Variants in YY1 observed in about 807,000 individuals in gnomAD.
YY1 encodes the protein transcriptional repressor protein YY1.
A neutral mutation model predicts 35.6 loss-of-function variants in YY1; 2 were observed. That is an observed-to-expected ratio of 0.06 (90% CI 0.02 to 0.18). The LOEUF (loss-of-function observed/expected upper bound fraction) is 0.18, where lower values mean the gene tolerates loss of function less well. YY1 is among the 10% of genes least tolerant of loss of function. The pLI is 1.00. For missense variants in YY1, 322 were observed against 573.4 expected, an observed-to-expected ratio of 0.56 and a Z score of 4.48; for synonymous variants, 268 against 238.9, an observed-to-expected ratio of 1.12 and a Z score of -1.12.
intron 1 of YY1, among the ~76,000 whole-genome samples, chr14:100,245,475 C>A (rs755178269): frequency 7.9e-5 from 12 of 152,022 alleles, no homozygotes; most frequent in Non-Finnish European, 1.2e-4. Context: ...TGCTTTAATG[C>A]CAGTGTTTAC....
chr14:100,242,951 A>G (rs1890773371), intron 1 of YY1, among the ~76,000 whole-genome samples: 1 of 152,132 alleles, frequency 6.6e-6, no homozygotes, highest in Non-Finnish European at 1.5e-5. Flanking sequence ...TTGTCTAGCT[A>G]GTGTGGTAGA....
At chr14:100,265,875 C>G (rs1371315688) in intron 2 of YY1, among the ~76,000 whole-genome samples, 2 of 152,044 alleles carry the variant, frequency 1.3e-5, no homozygotes, top group African/African-American at 4.8e-5. Context: ...TCTTGAACTC[C>G]TAACCTCATG....
chr14:100,249,302 G>T (rs1379163072), intron 1 of YY1, among the ~76,000 whole-genome samples: 1 of 151,510 alleles, frequency 6.6e-6, no homozygotes, highest in Non-Finnish European at 1.5e-5. Flanking sequence ...TGTACTTTTA[G>T]TAGAGATGGG....
rs1011199727 is a variant in YY1, at chr14:100,277,882, A to G, written c.*282A>G. On this transcript the variant is annotated 3_prime_UTR_variant, in exon 5 of 5. Transcript: ENST00000262238. The surrounding 1 kb of genome is among the most constrained non-coding windows in gnomAD (Gnocchi z 5.6). The stretch of plus-strand genomic sequence containing the variant: ...CAGGAGGACAATTCATGAACTTCGC[A>G]TCAAAAGACAATTCTTTATACAACA... The G allele has an allele frequency of 5.7e-5, 23 of 405,912 alleles. No homozygotes were observed. The highest frequency in any genetic ancestry group is 4.4e-4 in the African/African-American group (22 of 49,546). The allele number at this position is 405,912 out of a possible 1,614,324, so 25.1% of individuals were successfully genotyped here.
chr14:100,239,337 C>T lies in YY1; in HGVS notation c.93C>T (p.Ile31=). Residue 31 remains isoleucine, a synonymous_variant, in exon 1 of 5, where the codon ATC becomes ATT. Transcript: ENST00000262238. ...TGCACGAGATCGAGGTGGAGACCAT[C>T]CCGGTGGAGACCATCGAGACCACAG... The part of the protein sequence containing the change: ...VELHEIEVET[I]PVETIETTVV... 6.2e-7 allele frequency: 1 copy of T among 1,605,274 alleles called. No individual in the cohort carries two copies. Among genetic ancestry groups the T allele is most frequent in the Non-Finnish European group, 8.5e-7 (1 of 1,176,634 alleles).
rs951416751 is a variant in YY1, at chr14:100,281,887, G to C, written c.*4287G>C. 1.3e-5 allele frequency: 2 copies of C among 152,264 alleles called. No homozygotes were observed. The highest frequency in any genetic ancestry group is 2.4e-5 in the African/African-American group (1 of 41,462). 9.4% of individuals were successfully genotyped at this position (152,264 alleles called of 1,614,324 possible). ...AAGAGGGCAGATTTGTGGCCAAGAG[G>C]CTTCCTGGCATCCACCCCCAGGCCC... is the stretch of plus-strand genomic sequence containing the variant. On this transcript the variant is annotated 3_prime_UTR_variant, in exon 5 of 5. Coordinates refer to ENST00000262238, the MANE Select transcript of YY1 (RefSeq NM_003403.5).
rs1555369347 is a variant in YY1, at chr14:100,248,121, C to CTTTTTTCT, written c.679+8204_679+8205insCTTTTTTT. ...CACCACGCCCGGCTAATTTTTTTTT[C>CTTTTTTCT]TTTTTTTTTTTTTTGAGACAGTCTC... On this transcript the variant is annotated intron_variant, in intron 1 of 4. Coordinates refer to ENST00000262238, the MANE Select transcript of YY1 (RefSeq NM_003403.5). 9.3e-4 allele frequency among the ~76,000 whole-genome samples: 109 copies of CTTTTTTCT among 117,630 alleles called. 5 individuals carry two copies. Among genetic ancestry groups the CTTTTTTCT allele is most frequent in the South Asian group, 3.1e-3 (11 of 3,520 alleles). 77.2% of individuals were successfully genotyped at this position (117,630 alleles called of 152,430 possible).
At chr14:100,255,661 G>T (rs1890995205) in intron 1 of YY1, among the ~76,000 whole-genome samples, 1 of 152,126 alleles carries the variant, frequency 6.6e-6, no homozygotes, top group African/African-American at 2.4e-5. Context: ...ATGTGGTAAT[G>T]ATCAAGAGTA....
rs374890492 is a variant in YY1 at position 100,249,776 on chromosome 14, G to T, written c.679+9853G>T. ...TTTTTTTTTGTTTGTTTTTGTTTTT[G>T]TTTTTGTTTTTTTTTGAGACAGAGT... On this transcript the variant is annotated intron_variant, in intron 1 of 4. Transcript: ENST00000262238. 2.4e-3 allele frequency among the ~76,000 whole-genome samples: 326 copies of T among 135,554 alleles called. 2 individuals carry two copies. The highest frequency in any genetic ancestry group is 7.4e-3 in the African/African-American group (263 of 35,664). The allele number at this position is 135,554 out of a possible 152,430, so 88.9% of individuals were successfully genotyped here.
intron 1 of YY1, among the ~76,000 whole-genome samples, chr14:100,253,492 A>G (rs1222765942): frequency 6.6e-6 from 1 of 152,168 alleles, no homozygotes; most frequent in Admixed American, 6.6e-5. Context: ...ATCTCGGCTC[A>G]CTGCAACCTC....
intron 2 of YY1, among the ~76,000 whole-genome samples, chr14:100,263,585 T>A (rs1306679346): frequency 6.6e-6 from 1 of 152,246 alleles, no homozygotes; most frequent in Non-Finnish European, 1.5e-5. Context: ...TAATAAACTC[T>A]GGAGCAGAAA....
chr14:100,248,517 GT>G (rs1484125104), intron 1 of YY1, among the ~76,000 whole-genome samples: 1 of 151,850 alleles, frequency 6.6e-6, no homozygotes, highest in Admixed American at 6.6e-5. Flanking sequence ...TTTGAGACGG[GT>G]TTTTGCTATG....
intron 1 of YY1, among the ~76,000 whole-genome samples, chr14:100,258,165 G>A (rs1255175996): frequency 6.6e-6 from 1 of 151,946 alleles, no homozygotes; most frequent in East Asian, 1.9e-4. Flanking sequence ...TAAAACATGA[G>A]GACAAATAGC....
At chr14:100,259,115 A>AG (rs1891044570) in intron 1 of YY1, among the ~76,000 whole-genome samples, 1 of 152,254 alleles carries the variant, frequency 6.6e-6, no homozygotes, top group Non-Finnish European at 1.5e-5. Flanking sequence ...TTGGTGAGAC[A>AG]GACAATTTGA....
At chr14:100,240,954 G>A (rs1002361102) in intron 1 of YY1, among the ~76,000 whole-genome samples, 1 of 152,154 alleles carries the variant, frequency 6.6e-6, no homozygotes, top group South Asian at 2.1e-4. Flanking sequence ...TGAAAAGAAC[G>A]ATAATAGAAA....
At position 100,279,553 on chromosome 14, in the gene YY1, A is replaced by T. The variant is rs953818143; in HGVS notation, c.*1953A>T. On this transcript the variant is annotated 3_prime_UTR_variant, in exon 5 of 5. Coordinates refer to ENST00000262238, the MANE Select transcript of YY1 (RefSeq NM_003403.5). ...AGAAGACCCCAGCTGTTTTCTGGGT[A>T]AGCCAGGCTTTGCTGTATCTGGCAG... 10 of 152,280 alleles carry T rather than the reference A, an allele frequency of 6.6e-5. No individual in the cohort carries two copies. The highest frequency in any genetic ancestry group is 2.4e-4 in the African/African-American group (10 of 41,470). 9.4% of individuals were successfully genotyped at this position (152,280 alleles called of 1,614,324 possible).
At chr14:100,274,807 TAG>T in intron 3 of YY1, 49 bp downstream of exon 3, 1 of 1,558,990 alleles carries the variant, frequency 6.4e-7, no homozygotes, top group Non-Finnish European at 8.8e-7. Flanking sequence ...GATGAAGTTT[TAG>T]AGAGTTATAA....
Position 100,239,494 on chromosome 14 carries a change from A to T in YY1, c.250A>T (p.Ile84Phe), listed in dbSNP as rs760925279. 1 of 1,608,326 alleles carries T rather than the reference A, an allele frequency of 6.2e-7. No individual in the cohort carries two copies. Among genetic ancestry groups the T allele is most frequent in the Non-Finnish European group, 8.5e-7 (1 of 1,178,660 alleles). ...TCACCACCACCACCACCCGCCCATG[A>T]TCGCTCTGCAGCCGCTGGTCACCGA... ...HHHHHHHPPM[I>F]ALQPLVTDDP... The change falls in exon 1 of 5, where the codon ATC (isoleucine) becomes TTC (phenylalanine). Residue 84 changes from isoleucine (I) to phenylalanine (F), a missense_variant. Around this residue, in one of 4 missense-constraint regions of YY1, gnomAD observed 137 missense variants for 167.0 expected, o/e 0.82. Transcript: ENST00000262238.
In YY1 at chr14:100,277,572, C is replaced by A; in HGVS notation, c.1217C>A (p.Thr406Lys). The A allele has an allele frequency of 6.2e-7, 1 of 1,614,202 alleles. No individual in the cohort carries two copies. The highest frequency in any genetic ancestry group is 8.5e-7 in the Non-Finnish European group (1 of 1,180,044). The change falls in exon 5 of 5, where the codon ACA (threonine) becomes AAA (lysine). Residue 406 changes from threonine to lysine, a missense_variant. Coordinates refer to ENST00000262238, the MANE Select transcript of YY1 (RefSeq NM_003403.5). This position sits in a 1 kb window ranked among gnomAD's most constrained non-coding sequence, Gnocchi z 5.6. ...ACTAACCTGAAATCTCACATCTTAACACATGCTAAGGCCAAAAACAACCAG... is the reference window on the plus strand; with the variant it reads ...ACTAACCTGAAATCTCACATCTTAAAACATGCTAAGGCCAAAAACAACCAG... The part of the protein sequence containing the change: ...QSTNLKSHIL[T>K]HAKAKNNQ
Sources: allele counts gnomAD v4.1 joint callset (sites outside exome capture counted in the v4.1 genomes callset), GRCh38; gene constraint gnomAD v4.1.1; regional missense constraint gnomAD v4.1.1; non-coding constraint Gnocchi (gnomAD v3.1); transcripts MANE v1.5; gene names NCBI Gene and HGNC (gene_info 2026-07-23, HGNC 2026-07-21).